Variants in RNF208 observed in about 807,000 individuals in gnomAD.
RNF208 encodes ring finger protein 208.
A neutral mutation model predicts 15.2 loss-of-function variants in RNF208; 7 were observed. That is an observed-to-expected ratio of 0.46 (90% confidence interval 0.26 to 0.86). RNF208 has a LOEUF of 0.86. RNF208 is among the 40% of genes least tolerant of loss of function. The pLI, the probability that RNF208 is intolerant of heterozygous loss-of-function variation, is 0.16. For synonymous variants in RNF208, 211 were observed against 163.2 expected (o/e 1.29, Z -2.23); for missense variants, 342 against 364.1 (o/e 0.94, Z 0.49).
chr9:137,221,420 A>C lies in RNF208; in HGVS notation c.-208T>G. 1.6e-5 allele frequency: 1 copy of C among 61,336 alleles called. No homozygotes were observed. Among genetic ancestry groups the C allele is most frequent in the African/African-American group, 6.4e-5 (1 of 15,720 alleles). 3.8% of individuals were successfully genotyped at this position (61,336 alleles called of 1,614,324 possible). A position where few individuals can be genotyped will look rare whatever the true frequency, so the allele number is the denominator to read the frequency against. ...GCTTCTCTGGTCCAGTCCTGGGAGG[A>C]GGAGGAAGGGGTGGGGGAGGGGGAG... On this transcript the variant is annotated 5_prime_UTR_variant, in exon 2 of 2. Coordinates refer to ENST00000391553, the MANE Select transcript of RNF208 (RefSeq NM_031297.7).
chr9:137,223,286 T>A (rs1835902206), upstream of RNF208, among the ~76,000 whole-genome samples: 1 of 151,932 alleles, frequency 6.6e-6, no homozygotes, highest in Admixed American at 6.6e-5. Flanking sequence ...GCTGGAGGGG[T>A]CCTTACGGGG....
rs750152793 is a variant in RNF208, at chr9:137,220,622, G to A, written c.591C>T (p.Thr197=). 6.8e-6 allele frequency: 11 copies of A among 1,612,322 alleles called. No homozygotes were observed. The East Asian group carries it at 1.1e-4, about 16-fold the overall frequency. ...CAGCCAGCGCGGCCAGGCCGTAGTC[G>A]GTGAAGAGCACAGTCTCACGGCGGC... ...PTCRRETVLF[T]DYGLAALAVN... is the part of the protein sequence containing the mutation. The change falls in exon 2 of 2, where the codon ACC becomes ACT. Residue 197 remains threonine (T), a synonymous_variant. Transcript: ENST00000391553.
upstream of RNF208, among the ~76,000 whole-genome samples, chr9:137,222,469 C>T (rs892492833): frequency 4.3e-4 from 65 of 152,162 alleles, no homozygotes; most frequent in African/African-American, 1.5e-3. Context: ...CCCCCGCCCC[C>T]CCAGATTCAG....
chr9:137,220,658 G>A lies in RNF208; in HGVS notation c.555C>T (p.Ser185=), dbSNP rs1238441549. The A allele has an allele frequency of 6.2e-7, 1 of 1,612,460 alleles. No homozygotes were observed. The highest frequency in any genetic ancestry group is 8.5e-7 in the Non-Finnish European group (1 of 1,179,930). The change falls in exon 2 of 2, where the codon TCC becomes TCT. Residue 185 remains serine (S), a synonymous_variant. Coordinates refer to ENST00000391553, the MANE Select transcript of RNF208 (RefSeq NM_031297.7). ...CAGTCTCACGGCGGCAGGTGGGGCA[G>A]GAGATGAACTTGTACTTGGGGCAGG... The part of the protein sequence containing the change: ...YESCPKYKFI[S]CPTCRRETVL...
rs895251115 is a variant in RNF208, at chr9:137,221,438, A to C, written c.-226T>G. 2 of 16,900 alleles carry C rather than the reference A, an allele frequency of 1.2e-4. No individual in the cohort carries two copies. The highest frequency in any genetic ancestry group is 4.5e-4 in the African/African-American group (2 of 4,428). The allele number at this position is 16,900 out of a possible 1,614,324, so 1.0% of individuals were successfully genotyped here. A position where few individuals can be genotyped will look rare whatever the true frequency, so the allele number is the denominator to read the frequency against. ...TGGGAGGAGGAGGAAGGGGTGGGGG[A>C]GGGGGAGGCAGGCGGGGGCAGGGAG... On this transcript the variant is annotated 5_prime_UTR_variant, in exon 2 of 2. Coordinates refer to ENST00000391553, the MANE Select transcript of RNF208 (RefSeq NM_031297.7).
At position 137,220,804 on chromosome 9, in the gene RNF208, C is replaced by T; in HGVS notation, c.409G>A (p.Ala137Thr). ...GTGGGGCACTCCAGGGGCTCGCCTG[C>T]CGCCGCCGAAGAAGCCGCCGAGGCC... ...PSASAASSAA[A>T]GEPLECPTCG... The change falls in exon 2 of 2, where the codon GCA becomes ACA. Residue 137 changes from alanine to threonine, a missense_variant. Around this residue, in one of 3 missense-constraint regions of RNF208, gnomAD observed 207 missense variants for 193.7 expected, o/e 1.07. Coordinates refer to ENST00000391553, the MANE Select transcript of RNF208 (RefSeq NM_031297.7). 6.2e-7 allele frequency: 1 copy of T among 1,607,618 alleles called. No individual in the cohort carries two copies. Among genetic ancestry groups the T allele is most frequent in the Non-Finnish European group, 8.5e-7 (1 of 1,177,482 alleles).
rs1835848126 is a variant in RNF208 at position 137,220,748 on chromosome 9, C to T, written c.465G>A (p.Arg155=). Residue 155 remains arginine, a synonymous_variant, in exon 2 of 2, where the codon CGG becomes CGA. Coordinates refer to ENST00000391553, the MANE Select transcript of RNF208 (RefSeq NM_031297.7). ...GCAGGCAGGACAGCACGCGGGGCCT[C>T]CGCTGGGTGACATTGTAGGAGTGCC... is the stretch of plus-strand genomic sequence containing the variant. ...TCGHSYNVTQ[R]RPRVLSCLHS... The T allele has an allele frequency of 6.2e-7, 1 of 1,612,314 alleles. No homozygotes were observed. The highest frequency in any genetic ancestry group is 8.5e-7 in the Non-Finnish European group (1 of 1,179,824).
At chr9:137,222,294 G>A (rs2131388416), upstream of RNF208, among the ~76,000 whole-genome samples, 1 of 147,874 alleles carries the variant, frequency 6.8e-6, no homozygotes, top group South Asian at 2.1e-4. Context: ...CGCCCGCAGC[G>A]CCACCCCCCG....
At position 137,220,273 on chromosome 9, in the gene RNF208, T is replaced by G; in HGVS notation, c.*154A>C. On this transcript the variant is annotated 3_prime_UTR_variant, in exon 2 of 2. Coordinates refer to ENST00000391553, the MANE Select transcript of RNF208 (RefSeq NM_031297.7). ...CAGGTGCAAACTTTGGCAAAGAGTT[T>G]TAATGGCAAAGTTGGCTGCAGCGAC... 2.3e-6 allele frequency: 2 copies of G among 853,050 alleles called. No homozygotes were observed. 52.8% of individuals were successfully genotyped at this position (853,050 alleles called of 1,614,324 possible).
At position 137,221,171 on chromosome 9, in the gene RNF208, C is replaced by T. The variant is rs1471117227; in HGVS notation, c.42G>A (p.Pro14=). 1.0e-5 allele frequency: 15 copies of T among 1,486,940 alleles called. No homozygotes were observed. The highest frequency in any genetic ancestry group is 1.4e-5 in the Non-Finnish European group (15 of 1,107,226). The allele number at this position is 1,486,940 out of a possible 1,614,324, so 92.1% of individuals were successfully genotyped here. A position where few individuals can be genotyped will look rare whatever the true frequency, so the allele number is the denominator to read the frequency against. Reference sequence around the variant, plus strand: ...CCTTCAGGCAGGACATGAGGAGGCCCGGCCAGCCACTGCCCGCCTCGGGCC... The same window carrying T: ...CCTTCAGGCAGGACATGAGGAGGCCTGGCCAGCCACTGCCCGCCTCGGGCC... The part of the protein sequence containing the change: ...DPGPEAGSGW[P]GLLMSCLKGP... The change falls in exon 2 of 2, where the codon CCG becomes CCA. Residue 14 remains proline (P), a synonymous_variant. Coordinates refer to ENST00000391553, the MANE Select transcript of RNF208 (RefSeq NM_031297.7).
chr9:137,221,073 G>A lies in RNF208; in HGVS notation c.140C>T (p.Ala47Val), dbSNP rs577867259. 10 of 1,603,754 alleles carry A rather than the reference G, an allele frequency of 6.2e-6. No homozygotes were observed. The highest frequency in any genetic ancestry group is 3.4e-5 in the Admixed American group (2 of 58,778). Reference protein sequence around the residue: ...HPEKFPELPAAPCFPPAPRPT... With the variant: ...HPEKFPELPAVPCFPPAPRPT... ...CCGGGGAGCAGGCGGGAAGCAGGGG[G>A]CAGCCGGTAGCTCAGGGAACTTTTC... is the stretch of plus-strand genomic sequence containing the variant. The change falls in exon 2 of 2, where the codon GCC becomes GTC. Residue 47 changes from alanine (A) to valine (V), a missense_variant. By Grantham distance (64) the Ala-to-Val change is moderately conservative. Around this residue, in one of 3 missense-constraint regions of RNF208, gnomAD observed 207 missense variants for 193.7 expected, o/e 1.07. Coordinates refer to ENST00000391553, the MANE Select transcript of RNF208 (RefSeq NM_031297.7).
chr9:137,222,670 G>A (rs1835889950), upstream of RNF208, among the ~76,000 whole-genome samples: 1 of 152,246 alleles, frequency 6.6e-6, no homozygotes, highest in Non-Finnish European at 1.5e-5. Context: ...CGGTGCCGTA[G>A]CTCAGATAGA....
At position 137,220,612 on chromosome 9, in the gene RNF208, G is replaced by A. The variant is rs973619604; in HGVS notation, c.601C>T (p.Leu201=). 3.1e-6 allele frequency: 5 copies of A among 1,612,318 alleles called. No homozygotes were observed. The African/African-American group carries it at 4.0e-5, about 13-fold the overall frequency. ...GACGTGTTGACAGCCAGCGCGGCCA[G>A]GCCGTAGTCGGTGAAGAGCACAGTC... ...RETVLFTDYG[L]AALAVNTSIL... Residue 201 remains leucine, a synonymous_variant, in exon 2 of 2, where the codon CTG becomes TTG. Coordinates refer to ENST00000391553, the MANE Select transcript of RNF208 (RefSeq NM_031297.7).
chr9:137,221,003 T>C lies in RNF208; in HGVS notation c.210A>G (p.Thr70=), dbSNP rs568207994. The C allele has an allele frequency of 2.4e-5, 38 of 1,574,548 alleles. No individual in the cohort carries two copies. In the East Asian group the frequency reaches 3.9e-4, roughly 16 times the overall value. Residue 70 remains threonine, a synonymous_variant, in exon 2 of 2, where the codon ACA becomes ACG. Transcript: ENST00000391553. ...CACAGGCCTGGTTGACAATGATCTC[T>C]GTGTCTGAGGGCCAGGCACGCTTGG... The part of the protein sequence containing the change: ...LAPKRAWPSD[T]EIIVNQACGG...
In RNF208 at chr9:137,221,131, G is replaced by A. The variant is rs756606861; in HGVS notation, c.82C>T (p.Leu28Phe). 1.9e-6 allele frequency: 3 copies of A among 1,599,562 alleles called. No homozygotes were observed. The highest frequency in any genetic ancestry group is 1.7e-5 in the Admixed American group (1 of 58,990). ...ACAATCTTCATGGCCTCCATCTTGAGGATGACATGGGGACCCTTCAGGCAG... is the reference window on the plus strand; with the variant it reads ...ACAATCTTCATGGCCTCCATCTTGAAGATGACATGGGGACCCTTCAGGCAG... ...MSCLKGPHVI[L>F]KMEAMKIVHP... Residue 28 changes from leucine (L) to phenylalanine (F), a missense_variant, in exon 2 of 2, where the codon CTC becomes TTC. Physicochemically the swap from Leu to Phe is conservative, Grantham distance 22 (BLOSUM62 0). Coordinates refer to ENST00000391553, the MANE Select transcript of RNF208 (RefSeq NM_031297.7).
In RNF208 at chr9:137,221,162, G is replaced by A; in HGVS notation, c.51C>T (p.Leu17=). ...CATGGGGACCCTTCAGGCAGGACAT[G>A]AGGAGGCCCGGCCAGCCACTGCCCG... ...PEAGSGWPGL[L]MSCLKGPHVI... Residue 17 remains leucine (L), a synonymous_variant, in exon 2 of 2, where the codon CTC becomes CTT. Transcript: ENST00000391553. The A allele has an allele frequency of 6.4e-7, 1 of 1,554,822 alleles. No homozygotes were observed. Among genetic ancestry groups the A allele is most frequent in the Non-Finnish European group, 8.7e-7 (1 of 1,147,124 alleles).
Position 137,220,386 on chromosome 9 carries a change from C to G in RNF208, c.*41G>C. On this transcript the variant is annotated 3_prime_UTR_variant, in exon 2 of 2. Transcript: ENST00000391553. ...CAGGGCCGGGTCCCTGAAGAAGCAG[C>G]GAGCGAGGCTCAGCGGGCAGTGGCG... 1 of 1,510,794 alleles carries G rather than the reference C, an allele frequency of 6.6e-7. No individual in the cohort carries two copies. The highest frequency in any genetic ancestry group is 8.9e-7 in the Non-Finnish European group (1 of 1,128,128). The allele number at this position is 1,510,794 out of a possible 1,614,324, so 93.6% of individuals were successfully genotyped here.
Position 137,220,349 on chromosome 9 carries a change from C to A in RNF208, c.*78G>T. 7.1e-7 allele frequency: 1 copy of A among 1,416,398 alleles called. No homozygotes were observed. Among genetic ancestry groups the A allele is most frequent in the Non-Finnish European group, 9.4e-7 (1 of 1,066,276 alleles). The allele number at this position is 1,416,398 out of a possible 1,614,324, so 87.7% of individuals were successfully genotyped here. On this transcript the variant is annotated 3_prime_UTR_variant, in exon 2 of 2. Coordinates refer to ENST00000391553, the MANE Select transcript of RNF208 (RefSeq NM_031297.7). ...GCCATGGTGGGGAAGGAAGGGTCAG[C>A]GGGCGGCAGGGCAGGGCCGGGTCCC...
Position 137,220,693 on chromosome 9 carries a change from G to C in RNF208, c.520C>G (p.Leu174Val). ...HSVCEQCLQI[L>V]YESCPKYKFI... is the part of the protein sequence containing the mutation. ...TTGTACTTGGGGCAGGACTCGTAGAGAATCTGCAGGCACTGCTCACACACA... is the reference window on the plus strand; with the variant it reads ...TTGTACTTGGGGCAGGACTCGTAGACAATCTGCAGGCACTGCTCACACACA... Residue 174 changes from leucine (L) to valine (V), a missense_variant, in exon 2 of 2, where the codon CTC becomes GTC. Leu to Val is a conservative substitution (Grantham distance 32, BLOSUM62 1). This residue lies in a region of RNF208 where 76 missense variants were observed against 118.0 expected (regional missense o/e 0.64). Transcript: ENST00000391553. The C allele has an allele frequency of 6.2e-7, 1 of 1,612,596 alleles. No individual in the cohort carries two copies. The highest frequency in any genetic ancestry group is 8.5e-7 in the Non-Finnish European group (1 of 1,179,928).
Sources: gnomAD v4.1 joint callset for allele counts (sites outside exome capture counted in the v4.1 genomes callset) on GRCh38, gnomAD v4.1.1 for gene constraint, gnomAD v4.1.1 regional missense constraint, MANE v1.5 for transcripts, NCBI Gene and HGNC (gene_info 2026-07-23, HGNC 2026-07-21) for gene names.